The following DNAH1 variants were observed in gnomAD, a reference collection of about 807,000 sequenced individuals.
The protein encoded by DNAH1 is dynein axonemal heavy chain 1.
In DNAH1, 327 loss-of-function variants were observed where a neutral mutation model predicts 484.3. The ratio of observed to expected loss-of-function variants is 0.68; its 90% CI spans 0.62 to 0.74. DNAH1 has a LOEUF of 0.74. Among genes scored for constraint, DNAH1 ranks in the 30% least tolerant of loss-of-function variants. The pLI is 0.00. For missense variants in DNAH1, 5,052 were observed against 5,546.8 expected, an observed-to-expected ratio of 0.91 and a Z score of 2.83; for synonymous variants, 2,192 against 2,191.9, an observed-to-expected ratio of 1.00 and a Z score of 0.00.
chr3:52,369,024 A>T, intron 37 of DNAH1, 106 bp downstream of exon 37: 1 of 1,314,246 alleles, frequency 7.6e-7, no homozygotes, highest in South Asian at 1.4e-5. Flanking sequence ...TCTCAGGGCC[A>T]TGGGTCCATC....
Position 52,391,541 on chromosome 3 carries a change from C to G in DNAH1, c.9990C>G (p.Asn3330Lys), listed in dbSNP as rs1704384740. The change falls in exon 63 of 78, where the codon AAC becomes AAG. Residue 3330 changes from asparagine (N) to lysine (K), a missense_variant. Around this residue, in one of 4 missense-constraint regions of DNAH1, gnomAD observed 2,929 missense variants for 3,409.4 expected, o/e 0.86. Coordinates refer to ENST00000420323, the MANE Select transcript of DNAH1 (RefSeq NM_015512.5). ...FRMYITTKLPNPHYTPEISTK... is the reference protein window; with the variant it reads ...FRMYITTKLPKPHYTPEISTK... ...TGTACATCACCACCAAGCTGCCCAACCCACACTACACGCCCGAGATCTCCA... is the reference window on the plus strand; with the variant it reads ...TGTACATCACCACCAAGCTGCCCAAGCCACACTACACGCCCGAGATCTCCA... 1 of 1,506,582 alleles carries G rather than the reference C, an allele frequency of 6.6e-7. No homozygotes were observed. The highest frequency in any genetic ancestry group is 1.7e-5 in the African/African-American group (1 of 59,106). 93.3% of individuals were successfully genotyped at this position (1,506,582 alleles called of 1,614,324 possible). A position where few individuals can be genotyped will look rare whatever the true frequency, so the allele number is the denominator to read the frequency against.
chr3:52,399,556 G>A lies in DNAH1; in HGVS notation c.12453G>A (p.Glu4151=), dbSNP rs763383609. ...TISFDFKVMF[E]APSELTQRPQ... ...GTGTCTACCCACAGGTGATGTTTGA[G>A]GCACCATCAGAGTTAACACAAAGAC... The change falls in exon 77 of 78, where the codon GAG becomes GAA. Residue 4151 remains glutamate, a synonymous_variant. Coordinates refer to ENST00000420323, the MANE Select transcript of DNAH1 (RefSeq NM_015512.5). 6.2e-7 allele frequency: 1 copy of A among 1,609,076 alleles called. No individual in the cohort carries two copies. The highest frequency in any genetic ancestry group is 2.2e-5 in the East Asian group (1 of 44,772).
At chr3:52,312,714 G>T (rs111593386), upstream of DNAH1, among the ~76,000 whole-genome samples, 28,762 of 151,782 alleles carry the variant, frequency 0.19, 3,242 homozygotes, top group African/African-American at 0.31. Context: ...GTGCAGTGGT[G>T]CGATCTCGGC....
In DNAH1 at chr3:52,383,895, A is replaced by G; in HGVS notation, c.8186A>G (p.Gln2729Arg). 3 of 1,609,020 alleles carry G rather than the reference A, an allele frequency of 1.9e-6. No homozygotes were observed. The highest frequency in any genetic ancestry group is 1.7e-6 in the Non-Finnish European group (2 of 1,176,442). ...GAGGTCTTCCGAGCTCGTCTGAGGC[A>G]GTTTCCCTCCCTGGTCAACTGCTGT... Reference protein sequence around the residue: ...IGEVFRARLRQFPSLVNCCTI... With the variant: ...IGEVFRARLRRFPSLVNCCTI... Residue 2729 changes from glutamine to arginine, a missense_variant, in exon 52 of 78, where the codon CAG (glutamine) becomes CGG (arginine). Gln to Arg is a conservative substitution (Grantham distance 43, BLOSUM62 1). Coordinates refer to ENST00000420323, the MANE Select transcript of DNAH1 (RefSeq NM_015512.5).
In DNAH1 at chr3:52,392,561, C is replaced by T. The variant is rs775624344; in HGVS notation, c.10150C>T (p.Arg3384Cys). 2.7e-5 allele frequency: 44 copies of T among 1,613,978 alleles called. No individual in the cohort carries two copies. The South Asian group carries it at 3.7e-4, about 14-fold the overall frequency. The change falls in exon 64 of 78, where the codon CGC becomes TGC. Residue 3384 changes from arginine to cysteine, a missense_variant. Physicochemically the swap from Arg to Cys is radical, Grantham distance 180. Coordinates refer to ENST00000420323, the MANE Select transcript of DNAH1 (RefSeq NM_015512.5). Reference protein sequence around the residue: ...NQLIISNAKMRQELKDIEDQI... With the variant: ...NQLIISNAKMCQELKDIEDQI... Reference sequence around the variant, plus strand: ...GCTGATTATCAGTAATGCCAAGATGCGCCAGGAGCTGAAGGACATTGAGGA... The same window carrying T: ...GCTGATTATCAGTAATGCCAAGATGTGCCAGGAGCTGAAGGACATTGAGGA...
intron 12 of DNAH1, among the ~76,000 whole-genome samples, 193 bp downstream of exon 12, chr3:52,348,167 G>A (rs888373110): frequency 6.6e-6 from 1 of 152,198 alleles, no homozygotes; most frequent in African/African-American, 2.4e-5. Flanking sequence ...ATTAACACTC[G>A]CATTCTGTAG....
chr3:52,316,195 C>T (rs1400623715), upstream of DNAH1: 1 of 152,318 alleles, frequency 6.6e-6, no homozygotes, highest in Admixed American at 6.5e-5. Context: ...TCATCCCTGA[C>T]ATCCCACCAT....
At chr3:52,325,998 C>A in intron 3 of DNAH1, 142 bp from the exon 4 acceptor site, 1 of 790,554 alleles carries the variant, frequency 1.3e-6, no homozygotes, top group Non-Finnish European at 1.9e-6. Flanking sequence ...GTTCTCCCAG[C>A]CACTGCCCAG....
chr3:52,338,887 A>AT (rs1701828445), intron 8 of DNAH1, among the ~76,000 whole-genome samples: 1 of 150,900 alleles, frequency 6.6e-6, no homozygotes, highest in African/African-American at 2.4e-5. Context: ...AAAAAAAAAA[A>AT]GCCAGATGTG....
chr3:52,339,619 T>A (rs983836058), intron 8 of DNAH1, among the ~76,000 whole-genome samples: 3 of 152,190 alleles, frequency 2.0e-5, no homozygotes, highest in Non-Finnish European at 4.4e-5. Context: ...TCTTCTCAAA[T>A]GTGCAAACAA....
intron 8 of DNAH1, among the ~76,000 whole-genome samples, chr3:52,332,818 G>A (rs957083953): frequency 1.3e-5 from 2 of 152,160 alleles, no homozygotes; most frequent in South Asian, 4.1e-4. Context: ...GGCTCATTGT[G>A]TACTTTCCCA....
In DNAH1 at chr3:52,368,397, C is replaced by T. The variant is rs1009063821; in HGVS notation, c.5766-344C>T. The stretch of plus-strand genomic sequence containing the variant: ...GGCAGGACCTGGCCACTTCTCACCA[C>T]GCTGCTTTCTCTGCCCTGTCATTTA... On this transcript the variant is annotated intron_variant, in intron 36 of 77. Coordinates refer to ENST00000420323, the MANE Select transcript of DNAH1 (RefSeq NM_015512.5). This position sits in a 1 kb window ranked among gnomAD's most constrained non-coding sequence, Gnocchi z 4.4. Among the ~76,000 whole-genome samples the T allele has an allele frequency of 6.6e-6, 1 of 152,142 alleles. No individual in the cohort carries two copies. Among genetic ancestry groups the T allele is most frequent in the Non-Finnish European group, 1.5e-5 (1 of 68,038 alleles).
rs775192490 is a variant in DNAH1, at chr3:52,353,627, C to T, written c.3474C>T (p.Ile1158=). 27 of 1,584,404 alleles carry T rather than the reference C, an allele frequency of 1.7e-5. No individual in the cohort carries two copies. Among genetic ancestry groups the T allele is most frequent in the East Asian group, 2.3e-5 (1 of 42,708 alleles). The change falls in exon 20 of 78, where the codon ATC becomes ATT. Residue 1158 remains isoleucine (I), a synonymous_variant. Transcript: ENST00000420323. This position sits in a 1 kb window ranked among gnomAD's most constrained non-coding sequence, Gnocchi z 5.0. The part of the protein sequence containing the change: ...VAEVAGKEYA[I]EQALDKMEKE... Reference sequence around the variant, plus strand: ...AGGTGGCTGGCAAGGAGTACGCCATCGAGCAGGTGGGTAGCCACCAGCGGG... The same window carrying T: ...AGGTGGCTGGCAAGGAGTACGCCATTGAGCAGGTGGGTAGCCACCAGCGGG...
Position 52,397,106 on chromosome 3 carries a change from T to G in DNAH1, c.11787+62T>G, listed in dbSNP as rs1704671350. 1.6e-5 allele frequency: 24 copies of G among 1,462,706 alleles called. No individual in the cohort carries two copies. The South Asian group carries it at 2.9e-4, about 18-fold the overall frequency. The allele number at this position is 1,462,706 out of a possible 1,614,324, so 90.6% of individuals were successfully genotyped here. On this transcript the variant is annotated intron_variant, in intron 73 of 77. Transcript: ENST00000420323. ...GCCAGCCTGGGGTTCTGGGGTACCA[T>G]GAGCACCTTGGTGCTGGGTGGGAGG...
In DNAH1 at chr3:52,352,726, C is replaced by A. The variant is rs1220504091; in HGVS notation, c.3027+19C>A. 6.2e-7 allele frequency: 1 copy of A among 1,601,894 alleles called. No homozygotes were observed. The highest frequency in any genetic ancestry group is 1.7e-5 in the Admixed American group (1 of 59,622). ...CACCAATGTAGGCCTCCTGCAGGCA[C>A]CCTGCCCCCATGCCCCCAGGCTTGA... On this transcript the variant is annotated intron_variant, in intron 18 of 77. Coordinates refer to ENST00000420323, the MANE Select transcript of DNAH1 (RefSeq NM_015512.5).
chr3:52,364,837 T>A lies in DNAH1; in HGVS notation c.5336T>A (p.Leu1779Gln). Residue 1779 changes from leucine to glutamine, a missense_variant, in exon 34 of 78, where the codon CTG (leucine) becomes CAG (glutamine). By Grantham distance (113) the Leu-to-Gln change is moderately radical. Coordinates refer to ENST00000420323, the MANE Select transcript of DNAH1 (RefSeq NM_015512.5). This position sits in a 1 kb window ranked among gnomAD's most constrained non-coding sequence, Gnocchi z 4.2. ...CTCAGCCGGCACCTGCTGCAGGAGCTGATCTGCCTCCGGGCCATCCGTGAT... is the reference window on the plus strand; with the variant it reads ...CTCAGCCGGCACCTGCTGCAGGAGCAGATCTGCCTCCGGGCCATCCGTGAT... ...KRENPSMNEE[L>Q]ICLRAIRDVN... The A allele has an allele frequency of 6.2e-7, 1 of 1,613,048 alleles. No individual in the cohort carries two copies. Among genetic ancestry groups the A allele is most frequent in the South Asian group, 1.1e-5 (1 of 91,046 alleles).
At chr3:52,359,413 T>TC in intron 26 of DNAH1, 27 bp downstream of exon 26, 1 of 1,560,788 alleles carries the variant, frequency 6.4e-7, no homozygotes, top group Non-Finnish European at 8.7e-7. Flanking sequence ...CCCCTGTCTG[T>TC]CCCCCTCCAC....
intron 41 of DNAH1, 73 bp downstream of exon 41, chr3:52,370,898 T>G: frequency 6.9e-7 from 1 of 1,453,222 alleles, no homozygotes; most frequent in Non-Finnish European, 9.4e-7. Context: ...CAATGAATTA[T>G]GGCCACACAG....
Position 52,396,792 on chromosome 3 carries a change from T to G in DNAH1, c.11605T>G (p.Tyr3869Asp). The change falls in exon 72 of 78, where the codon TAC becomes GAC. Residue 3869 changes from tyrosine to aspartate, a missense_variant. By Grantham distance (160) the Tyr-to-Asp change is radical. Coordinates refer to ENST00000420323, the MANE Select transcript of DNAH1 (RefSeq NM_015512.5). ...MFLDEYDDIP[Y>D]KVLKYTAGEI... The stretch of plus-strand genomic sequence containing the variant: ...CCTGGACGAATATGATGACATCCCC[T>G]ACAAGGTGGGCCTGGGGCAGACTGG... 1.2e-6 allele frequency: 2 copies of G among 1,613,350 alleles called. No individual in the cohort carries two copies. Among genetic ancestry groups the G allele is most frequent in the South Asian group, 2.2e-5 (2 of 91,054 alleles).
Sources: allele counts gnomAD v4.1 joint callset (sites outside exome capture counted in the v4.1 genomes callset), GRCh38; gene constraint gnomAD v4.1.1; regional missense constraint gnomAD v4.1.1; non-coding constraint Gnocchi (gnomAD v3.1); transcripts MANE v1.5; gene names NCBI Gene and HGNC (gene_info 2026-07-23, HGNC 2026-07-21).